The following CDK12 variants were observed in gnomAD, a reference collection of about 807,000 sequenced individuals.
CDK12 encodes the protein cyclin-dependent kinase 12.
Under a neutral mutation model 133.8 loss-of-function variants are expected in CDK12, and 17 were observed. The ratio of observed to expected loss-of-function variants is 0.13; its 90% confidence interval spans 0.09 to 0.19. The LOEUF is 0.19. Ranked by LOEUF, CDK12 falls within the 10% of genes least tolerant of loss-of-function variation. The pLI, the probability that CDK12 is intolerant of heterozygous loss-of-function variation, is 1.00. For missense variants in CDK12, 1,508 were observed against 1,818.7 expected (o/e 0.83, Z 3.11); for synonymous variants, 694 against 683.6 (o/e 1.02, Z -0.24).
rs1555579681 is a variant in CDK12 at position 39,532,140 on chromosome 17, C to CTG, written c.*825_*826insGT. ...TCTCTCTCTCTCTCTCTCTCTCTCT[C>CTG]TCTGTCTCGCTTGCTCGCTCTCGCT... On this transcript the variant is annotated 3_prime_UTR_variant, in exon 14 of 14. Coordinates refer to ENST00000447079, the MANE Select transcript of CDK12 (RefSeq NM_016507.4). 4.7e-3 allele frequency: 1,049 copies of CTG among 224,568 alleles called. 17 individuals are homozygous for CTG. The highest frequency in any genetic ancestry group is 0.021 in the African/African-American group (853 of 40,960). The allele number at this position is 224,568 out of a possible 1,614,324, so 13.9% of individuals were successfully genotyped here. A position where few individuals can be genotyped will look rare whatever the true frequency, so the allele number is the denominator to read the frequency against.
chr17:39,491,604 G>A (rs2145843564), intron 3 of CDK12, among the ~76,000 whole-genome samples: 1 of 152,086 alleles, frequency 6.6e-6, no homozygotes, highest in Middle Eastern at 3.4e-3. Flanking sequence ...CCATACCTGA[G>A]AGAGTTCAGA....
chr17:39,464,943 C>A (rs1473492435), intron 1 of CDK12, among the ~76,000 whole-genome samples: 3 of 148,678 alleles, frequency 2.0e-5, no homozygotes, highest in Non-Finnish European at 4.5e-5. Context: ...CAGAGTGAGA[C>A]CCTGTCTCAA....
At chr17:39,466,365 A>C (rs1320278801) in intron 1 of CDK12, among the ~76,000 whole-genome samples, 1 of 151,408 alleles carries the variant, frequency 6.6e-6, no homozygotes, top group East Asian at 1.9e-4. Context: ...CTGTAATCCT[A>C]GCACTTTGGG....
intron 2 of CDK12, among the ~76,000 whole-genome samples, chr17:39,479,934 T>A (rs1318192612): frequency 1.3e-5 from 2 of 151,848 alleles, no homozygotes; most frequent in African/African-American, 4.8e-5. Flanking sequence ...CTTTTTTTTT[T>A]TTTTTTAAGA....
At chr17:39,499,373 T>A (rs1216036398) in intron 5 of CDK12, among the ~76,000 whole-genome samples, 3 of 149,556 alleles carry the variant, frequency 2.0e-5, no homozygotes, top group African/African-American at 7.4e-5. Context: ...CACGTCCAGG[T>A]AATTTTTGTA....
rs766001736 is a variant in CDK12, at chr17:39,471,480, C to T, written c.1648C>T (p.Pro550Ser). 6 of 1,613,722 alleles carry T rather than the reference C, an allele frequency of 3.7e-6. No individual in the cohort carries two copies. The African/African-American group carries it at 8.0e-5, about 22-fold the overall frequency. Residue 550 changes from proline (P) to serine (S), a missense_variant, in exon 2 of 14, where the codon CCT becomes TCT. By Grantham distance (74) the Pro-to-Ser change is moderately conservative. Around this residue, in one of 9 missense-constraint regions of CDK12, gnomAD observed 347 missense variants for 330.8 expected, o/e 1.05. Transcript: ENST00000447079. ...TACTACCCCTCCACCTCAGACACCC[C>T]CTTTGCCACCTTTGCCTCCAATACC... ...PTTTPPPQTP[P>S]LPPLPPIPAL...
At chr17:39,549,566 C>T (rs1319313954), upstream of CDK12, 2 of 152,306 alleles carry the variant, frequency 1.3e-5, no homozygotes, top group Non-Finnish European at 2.9e-5. Flanking sequence ...CAGGGGTAGG[C>T]ACAGCCAGGC....
Position 39,524,821 on chromosome 17 carries a change from C to G in CDK12, c.3243C>G (p.Asn1081Lys), listed in dbSNP as rs2146689711. The G allele has an allele frequency of 1.2e-6, 2 of 1,614,230 alleles. No homozygotes were observed. The highest frequency in any genetic ancestry group is 4.5e-5 in the East Asian group (2 of 44,886). Reference protein sequence around the residue: ...TSGTSTEPVKNSSPAPPQPAP... With the variant: ...TSGTSTEPVKKSSPAPPQPAP... ...GGACAAGTACTGAGCCTGTGAAGAA[C>G]AGCAGCCCAGCACCACCTCAGCCTG... Residue 1081 changes from asparagine to lysine, a missense_variant, in exon 12 of 14, where the codon AAC becomes AAG. Physicochemically the swap from Asn to Lys is moderately conservative, Grantham distance 94. Coordinates refer to ENST00000447079, the MANE Select transcript of CDK12 (RefSeq NM_016507.4).
At chr17:39,481,636 CT>C (rs2050678529) in intron 2 of CDK12, among the ~76,000 whole-genome samples, 3 of 5,066 alleles carry the variant, frequency 5.9e-4, no homozygotes, top group East Asian at 3.5e-3. Context: ...CTCGCGCGCT[CT>C]CTCTCTCTCT....
At chr17:39,517,369 C>T (rs1469443633) in intron 9 of CDK12, 71 bp from the exon 10 acceptor site, 2 of 864,366 alleles carry the variant, frequency 2.3e-6, no homozygotes, top group African/African-American at 1.7e-5. Flanking sequence ...ATAATTTCTG[C>T]TTCTGAAACC....
At chr17:39,481,653 T>C (rs2050686759) in intron 2 of CDK12, among the ~76,000 whole-genome samples, 1 of 13,566 alleles carries the variant, frequency 7.4e-5, no homozygotes, top group African/African-American at 1.9e-4. Context: ...TCTCTCTCTC[T>C]CTCTCTCTCT....
Position 39,490,719 on chromosome 17 carries a change from TAAAA to T in CDK12, c.2096_2099del (p.Lys699ArgfsTer53). 6.2e-7 allele frequency: 1 copy of T among 1,601,622 alleles called. No homozygotes were observed. The highest frequency in any genetic ancestry group is 8.5e-7 in the Non-Finnish European group (1 of 1,174,122). On this transcript the variant is annotated frameshift_variant, in exon 3 of 14. Transcript: ENST00000447079. LOFTEE classifies it high-confidence loss of function. ...CAATCACACCACCTCAGCAACCATA[TAAAA>T]AGAGACCAAAGTGAGTTTTTGGAGG...
chr17:39,493,538 C>G (rs373809765), intron 4 of CDK12, among the ~76,000 whole-genome samples: 72 of 151,668 alleles, frequency 4.7e-4, no homozygotes, highest in African/African-American at 1.7e-3. Context: ...GAATTCCAGG[C>G]TGGTCTTGAA....
Position 39,471,307 on chromosome 17 carries a change from T to G in CDK12, c.1475T>G (p.Val492Gly). ...KLDENSEKHL[V>G]KDLKAQGTRD... ...GATGAGAACTCCGAGAAGCATCTTG[T>G]TAAAGATTTGAAAGCACAGGGAACA... The change falls in exon 2 of 14, where the codon GTT becomes GGT. Residue 492 changes from valine to glycine, a missense_variant. Physicochemically the swap from Val to Gly is moderately radical, Grantham distance 109 (BLOSUM62 -3). Transcript: ENST00000447079. The G allele has an allele frequency of 6.2e-7, 1 of 1,613,652 alleles. No individual in the cohort carries two copies. Among genetic ancestry groups the G allele is most frequent in the Non-Finnish European group, 8.5e-7 (1 of 1,179,764 alleles).
chr17:39,469,104 G>A (rs2049584836), intron 1 of CDK12, among the ~76,000 whole-genome samples: 1 of 152,190 alleles, frequency 6.6e-6, no homozygotes, highest in African/African-American at 2.4e-5. Flanking sequence ...GGGATTACAG[G>A]CGTGAGCCAC....
intron 2 of CDK12, among the ~76,000 whole-genome samples, chr17:39,482,134 C>G (rs888685876): frequency 2.0e-5 from 3 of 151,256 alleles, no homozygotes; most frequent in Non-Finnish European, 4.4e-5. Flanking sequence ...CTGCCTCAGC[C>G]TCCTGAGTAG....
At chr17:39,498,743 C>G (rs2052339306) in intron 5 of CDK12, among the ~76,000 whole-genome samples, 2 of 151,936 alleles carry the variant, frequency 1.3e-5, no homozygotes, top group African/African-American at 4.8e-5. Context: ...TTTGCCCAGT[C>G]TGGTTTCCAA....
intron 7 of CDK12, among the ~76,000 whole-genome samples, chr17:39,510,888 CG>C (rs1250834324): frequency 7.0e-6 from 1 of 143,050 alleles, no homozygotes; most frequent in African/African-American, 2.5e-5. Flanking sequence ...GCTGGGATTA[CG>C]GGCGTGAGCC....
chr17:39,496,495 T>C (rs2052122947), intron 5 of CDK12, among the ~76,000 whole-genome samples: 1 of 151,390 alleles, frequency 6.6e-6, no homozygotes, highest in Non-Finnish European at 1.5e-5. Context: ...AGGTCGGGAG[T>C]TTGAGATCAG....
Sources: gnomAD v4.1 joint callset for allele counts (sites outside exome capture counted in the v4.1 genomes callset) on GRCh38, gnomAD v4.1.1 for gene constraint, gnomAD v4.1.1 regional missense constraint, MANE v1.5 for transcripts, NCBI Gene and HGNC (gene_info 2026-07-23, HGNC 2026-07-21) for gene names.